The following STK3 variants were observed in gnomAD, a reference collection of about 807,000 sequenced individuals.
STK3 encodes the protein serine/threonine-protein kinase 3.
Under a neutral mutation model 58.0 loss-of-function variants are expected in STK3, and 41 were observed. The observed-to-expected ratio is 0.71, with a 90% CI of 0.55 to 0.92. STK3 has a LOEUF of 0.92. Among genes scored for constraint, STK3 ranks in the 40% least tolerant of loss-of-function variants. STK3 has a pLI of 0.00. For missense variants in STK3, 479 were observed against 602.7 expected (o/e 0.79, Z 2.15); for synonymous variants, 170 against 191.0 (o/e 0.89, Z 0.91).
chr8:98,825,953 G>A (rs2131764771), upstream of STK3, among the ~76,000 whole-genome samples: 1 of 149,034 alleles, frequency 6.7e-6, no homozygotes, highest in Admixed American at 6.7e-5. Flanking sequence ...GGCGGAGCCT[G>A]CCGCGGCCTG....
At chr8:98,887,416 C>CTTCT (rs1838032487) in intron 1 of STK3, among the ~76,000 whole-genome samples, 1 of 152,166 alleles carries the variant, frequency 6.6e-6, no homozygotes. Context: ...ATCCAAAACA[C>CTTCT]TTCTGGTCCT....
intron 3 of STK3, among the ~76,000 whole-genome samples, chr8:98,852,071 A>C (rs751865298): frequency 6.6e-6 from 1 of 152,220 alleles, no homozygotes; most frequent in Non-Finnish European, 1.5e-5. Flanking sequence ...GATGTATAGC[A>C]TTCAGCTACA....
intron 1 of STK3, among the ~76,000 whole-genome samples, chr8:98,909,823 G>A (rs1004924356): frequency 6.6e-6 from 1 of 152,132 alleles, no homozygotes; most frequent in African/African-American, 2.4e-5. Flanking sequence ...AAACATTCAT[G>A]TTCATATTTC....
chr8:98,692,407 A>G (rs1218729470), intron 6 of STK3, among the ~76,000 whole-genome samples: 1 of 152,242 alleles, frequency 6.6e-6, no homozygotes, highest in African/African-American at 2.4e-5. Context: ...ATTCTGACAC[A>G]TTCTATGACT....
At chr8:98,935,773 T>G (rs1840171444) in intron 1 of STK3, among the ~76,000 whole-genome samples, 1 of 152,188 alleles carries the variant, frequency 6.6e-6, no homozygotes, top group Non-Finnish European at 1.5e-5. Context: ...TCAAATTTCT[T>G]CCCCTTGGTT....
intron 1 of STK3, among the ~76,000 whole-genome samples, chr8:98,785,251 C>T (rs976850265): frequency 7.2e-5 from 11 of 152,206 alleles, no homozygotes; most frequent in African/African-American, 2.7e-4. Context: ...GCCTACATCA[C>T]CCCAACCCTC....
chr8:98,737,987 G>A (rs1190909352), intron 4 of STK3, among the ~76,000 whole-genome samples: 2 of 152,136 alleles, frequency 1.3e-5, no homozygotes, highest in Non-Finnish European at 2.9e-5. Flanking sequence ...CAGGATTACA[G>A]GCGTGAGCCA....
intron 1 of STK3, among the ~76,000 whole-genome samples, chr8:98,794,394 T>A (rs543066408): frequency 3.9e-4 from 60 of 152,202 alleles, no homozygotes; most frequent in Non-Finnish European, 6.8e-4. Flanking sequence ...TGAACACTCC[T>A]ATTTACGCAA....
chr8:98,677,518 A>C (rs1372275249), intron 6 of STK3, among the ~76,000 whole-genome samples: 1 of 152,126 alleles, frequency 6.6e-6, no homozygotes, highest in Non-Finnish European at 1.5e-5. Context: ...AAAAAGAAGA[A>C]AGAAGAAGAA....
At chr8:98,887,749 A>G (rs1395438428) in intron 1 of STK3, among the ~76,000 whole-genome samples, 2 of 152,212 alleles carry the variant, frequency 1.3e-5, no homozygotes, top group Non-Finnish European at 2.9e-5. Context: ...CCGTAGTAGT[A>G]GAGATGACCC....
In STK3 at chr8:98,776,711, A is replaced by C. The variant is rs372476180; in HGVS notation, c.27-1892T>G. Among the ~76,000 whole-genome samples the C allele has an allele frequency of 3.0e-4, 45 of 152,068 alleles. 1 individual carries two copies. The East Asian group carries it at 5.4e-3, about 18-fold the overall frequency. ...CTTGCAACTATGTTCAGTAACGATG[A>C]TGAACAAGGCAATGACTTTGAAGGA... On this transcript the variant is annotated intron_variant, in intron 1 of 10. Transcript: ENST00000419617.
chr8:98,784,318 G>A (rs550174214), intron 1 of STK3, among the ~76,000 whole-genome samples: 5 of 152,224 alleles, frequency 3.3e-5, no homozygotes, highest in Non-Finnish European at 5.9e-5. Flanking sequence ...TGCCTCAGCA[G>A]TAGGTGCTGG....
intron 1 of STK3, among the ~76,000 whole-genome samples, chr8:98,819,061 G>C (rs1834731052): frequency 6.6e-6 from 1 of 152,256 alleles, no homozygotes; most frequent in Non-Finnish European, 1.5e-5. Flanking sequence ...CTGACCTCAT[G>C]ATCTGCCCAC....
At chr8:98,653,431 G>C (rs933709475) in intron 6 of STK3, among the ~76,000 whole-genome samples, 3 of 152,018 alleles carry the variant, frequency 2.0e-5, no homozygotes, top group Non-Finnish European at 4.4e-5. Flanking sequence ...AACTAGAAAA[G>C]CAAGAGCAAA....
intron 6 of STK3, among the ~76,000 whole-genome samples, chr8:98,627,817 A>G (rs1035069190): frequency 4.6e-5 from 7 of 152,262 alleles, no homozygotes; most frequent in Non-Finnish European, 8.8e-5. Context: ...TTATAGATTT[A>G]GCTGTTAAAT....
chr8:98,697,297 T>C (rs1451290547), intron 6 of STK3, among the ~76,000 whole-genome samples: 4 of 152,206 alleles, frequency 2.6e-5, no homozygotes, highest in Non-Finnish European at 5.9e-5. Context: ...GTTGATCCTT[T>C]CAGAAAACCA....
chr8:98,535,449 T>G (rs1297981281), intron 9 of STK3, among the ~76,000 whole-genome samples: 1 of 139,726 alleles, frequency 7.2e-6, no homozygotes. Flanking sequence ...CCACATTGCT[T>G]TCATTAATTT....
downstream of STK3, among the ~76,000 whole-genome samples, chr8:98,400,333 G>A (rs1389393545): frequency 2.6e-5 from 4 of 152,202 alleles, no homozygotes; most frequent in Non-Finnish European, 4.4e-5. Flanking sequence ...AGATTCCCAG[G>A]CCCCAAGGCT....
chr8:98,767,313 T>G lies in STK3; in HGVS notation c.166A>C (p.Lys56Gln), dbSNP rs752970275. 8 of 1,611,996 alleles carry G rather than the reference T, an allele frequency of 5.0e-6. No individual in the cohort carries two copies. Among genetic ancestry groups the G allele is most frequent in the Non-Finnish European group, 6.8e-6 (8 of 1,179,512 alleles). ...HKESGQVVAI[K>Q]QVPVESDLQE... ...AGATCTGATTCAACAGGTACTTGTTTAATTGCGACAACTTGACCGGATTCC... is the reference window on the plus strand; with the variant it reads ...AGATCTGATTCAACAGGTACTTGTTGAATTGCGACAACTTGACCGGATTCC... The change falls in exon 3 of 11, where the codon AAA becomes CAA. Residue 56 changes from lysine to glutamine, a missense_variant. Coordinates refer to ENST00000419617, the MANE Select transcript of STK3 (RefSeq NM_006281.4).
Sources: gnomAD v4.1 joint callset for allele counts (sites outside exome capture counted in the v4.1 genomes callset) on GRCh38, gnomAD v4.1.1 for gene constraint, MANE v1.5 for transcripts, NCBI Gene and HGNC (gene_info 2026-07-23, HGNC 2026-07-21) for gene names.